The following LRP1 variants were observed in gnomAD, a reference collection of about 807,000 sequenced individuals.
LRP1 encodes LDL receptor related protein 1, also known as prolow-density lipoprotein receptor-related protein 1.
In LRP1, 51 loss-of-function variants were observed where a neutral mutation model predicts 541.5. That is an observed-to-expected ratio of 0.09 (90% CI 0.08 to 0.12). The LOEUF is 0.12. LRP1 is among the 10% of genes least tolerant of loss of function. The probability of loss-of-function intolerance (pLI) is 1.00; values close to 1 mark genes in which losing one functional copy is unlikely to be tolerated. For synonymous variants in LRP1, 2,219 were observed against 2,470.8 expected (o/e 0.90, Z 3.02); for missense variants, 3,878 against 6,376.2 (o/e 0.61, Z 13.34).
At position 57,191,036 on chromosome 12, in the gene LRP1, C is replaced by T. The variant is rs571724972; in HGVS notation, c.7236+27C>T. On this transcript the variant is annotated intron_variant, in intron 43 of 88. Coordinates refer to ENST00000243077, the MANE Select transcript of LRP1 (RefSeq NM_002332.3). ...TGAGTCTGCGGGGTGGGTGAGCTGG[C>T]GGGCGGCTGAGGGGAGGCCAGGGCC... is the stretch of plus-strand genomic sequence containing the variant. The T allele has an allele frequency of 3.1e-5, 49 of 1,593,876 alleles. 1 individual carries two copies. The South Asian group carries it at 4.1e-4, about 13-fold the overall frequency.
Position 57,212,803 on chromosome 12 carries a change from G to GACA in LRP1, c.*248_*249insACA. The GACA allele has an allele frequency of 4.2e-6, 2 of 475,828 alleles. No individual in the cohort carries two copies. The highest frequency in any genetic ancestry group is 7.4e-6 in the Non-Finnish European group (2 of 268,600). 29.5% of individuals were successfully genotyped at this position (475,828 alleles called of 1,614,324 possible). On this transcript the variant is annotated 3_prime_UTR_variant, in exon 89 of 89. Coordinates refer to ENST00000243077, the MANE Select transcript of LRP1 (RefSeq NM_002332.3). This position sits in a 1 kb window ranked among gnomAD's most constrained non-coding sequence, Gnocchi z 5.0. ...CAGGGAGACAGGCAGGGAGGGCTTGGGGCTGCACCTCCTACCCTCCCACCA... is the reference window on the plus strand; with the variant it reads ...CAGGGAGACAGGCAGGGAGGGCTTGGACAGGCTGCACCTCCTACCCTCCCACCA...
In LRP1 at chr12:57,145,333, G is replaced by A. The variant is rs778074762; in HGVS notation, c.684G>A (p.Arg228=). The part of the protein sequence containing the change: ...QVSTITPTST[R]QTTAMDFSYA... ...CTACCATCACACCTACGAGCACGCG[G>A]CAGACCACAGCCATGGACTTCAGCT... The change falls in exon 6 of 89, where the codon CGG becomes CGA. Residue 228 remains arginine (R), a synonymous_variant. Coordinates refer to ENST00000243077, the MANE Select transcript of LRP1 (RefSeq NM_002332.3). 13 of 1,614,158 alleles carry A rather than the reference G, an allele frequency of 8.1e-6. No homozygotes were observed. The highest frequency in any genetic ancestry group is 2.5e-6 in the Non-Finnish European group (3 of 1,180,044).
chr12:57,208,868 CA>C, intron 78 of LRP1, 51 bp downstream of exon 78: 1 of 1,438,708 alleles, frequency 7.0e-7, no homozygotes, highest in Non-Finnish European at 9.8e-7. Context: ...GCCCGGCTCG[CA>C]GAGCCCAGCT....
At chr12:57,202,802 C>A (rs2036685165) in intron 68 of LRP1, 1 of 584,150 alleles carries the variant, frequency 1.7e-6, no homozygotes, top group Non-Finnish European at 3.1e-6. Context: ...CACCATACCC[C>A]CACCTCTGTC....
chr12:57,145,552 C>T (rs2035388454), intron 6 of LRP1, 62 bp downstream of exon 6: 3 of 1,580,736 alleles, frequency 1.9e-6, no homozygotes, highest in South Asian at 2.3e-5. Context: ...GAAGGTGGAC[C>T]CTATCTTGAA....
At position 57,202,922 on chromosome 12, in the gene LRP1, A is replaced by G; in HGVS notation, c.10712-259A>G. 5.6e-6 allele frequency: 3 copies of G among 535,148 alleles called. No individual in the cohort carries two copies. The South Asian group carries it at 8.2e-5, about 15-fold the overall frequency. 33.1% of individuals were successfully genotyped at this position (535,148 alleles called of 1,614,324 possible). A position where few individuals can be genotyped will look rare whatever the true frequency, so the allele number is the denominator to read the frequency against. ...CTTGCCCCCGCTCCCCTCCCCAAAC[A>G]CAGTCTGTTCTGAGGGCAAGGCCAG... On this transcript the variant is annotated intron_variant, in intron 68 of 88. Coordinates refer to ENST00000243077, the MANE Select transcript of LRP1 (RefSeq NM_002332.3).
chr12:57,183,655 C>T lies in LRP1; in HGVS notation c.5795-120C>T. 6.7e-7 allele frequency: 1 copy of T among 1,488,960 alleles called. No individual in the cohort carries two copies. The highest frequency in any genetic ancestry group is 9.1e-7 in the Non-Finnish European group (1 of 1,099,172). 92.2% of individuals were successfully genotyped at this position (1,488,960 alleles called of 1,614,324 possible). Reference sequence around the variant, plus strand: ...CAGCTGCCACCCTGACTCCACCTCCCCTTCAAGCACCTGGCCCCTCCGGCA... The same window carrying T: ...CAGCTGCCACCCTGACTCCACCTCCTCTTCAAGCACCTGGCCCCTCCGGCA... On this transcript the variant is annotated intron_variant, in intron 35 of 88. Coordinates refer to ENST00000243077, the MANE Select transcript of LRP1 (RefSeq NM_002332.3). This position sits in a 1 kb window ranked among gnomAD's most constrained non-coding sequence, Gnocchi z 6.1.
chr12:57,196,008 G>T lies in LRP1; in HGVS notation c.8701+5G>T. ...ACCCACACTGCACCAGCCAAGGTGG[G>T]CCCCAGACCTGGCTCCCCTCTGCCC... On this transcript the variant is annotated splice_donor_5th_base_variant and intron_variant, in intron 54 of 88. Coordinates refer to ENST00000243077, the MANE Select transcript of LRP1 (RefSeq NM_002332.3). 1 of 1,612,326 alleles carries T rather than the reference G, an allele frequency of 6.2e-7. No homozygotes were observed.
Position 57,210,880 on chromosome 12 carries a change from G to A in LRP1, c.12916+1G>A. On this transcript the variant is annotated splice_donor_variant, in intron 83 of 88. Coordinates refer to ENST00000243077, the MANE Select transcript of LRP1 (RefSeq NM_002332.3). LOFTEE classifies it high-confidence loss of function. ...TTCCTGGGCGACCGCTGCCAGTACC[G>A]TGAGTGAGCCATCCCTGGGCCCCAG... 6.2e-7 allele frequency: 1 copy of A among 1,608,644 alleles called. No homozygotes were observed. The highest frequency in any genetic ancestry group is 8.5e-7 in the Non-Finnish European group (1 of 1,176,590).
chr12:57,197,696 G>A lies in LRP1; in HGVS notation c.9282+32G>A. 1 of 1,604,960 alleles carries A rather than the reference G, an allele frequency of 6.2e-7. No individual in the cohort carries two copies. Among genetic ancestry groups the A allele is most frequent in the Non-Finnish European group, 8.5e-7 (1 of 1,176,910 alleles). On this transcript the variant is annotated intron_variant, in intron 58 of 88. Coordinates refer to ENST00000243077, the MANE Select transcript of LRP1 (RefSeq NM_002332.3). This position sits in a 1 kb window ranked among gnomAD's most constrained non-coding sequence, Gnocchi z 4.5. ...CGGGCGGCCCTCGGCGACCAACACTGGCCCGCCTCAGATGACTGTTTTCAG... is the reference window on the plus strand; with the variant it reads ...CGGGCGGCCCTCGGCGACCAACACTAGCCCGCCTCAGATGACTGTTTTCAG...
chr12:57,163,910 C>T (rs1026735355), intron 15 of LRP1, among the ~76,000 whole-genome samples: 4 of 152,072 alleles, frequency 2.6e-5, no homozygotes, highest in Non-Finnish European at 5.9e-5. Flanking sequence ...GTGGCTCACA[C>T]CTGTAATCCC....
chr12:57,145,284 C>A lies in LRP1; in HGVS notation c.635C>A (p.Thr212Lys). Reference sequence around the variant, plus strand: ...GCCAACTCCCAGAACATCTTGGCCACGTACCTGAGTGGGGCCCAGGTGTCT... The same window carrying A: ...GCCAACTCCCAGAACATCTTGGCCAAGTACCTGAGTGGGGCCCAGGTGTCT... ...LIANSQNILA[T>K]YLSGAQVSTI... The change falls in exon 6 of 89, where the codon ACG (threonine) becomes AAG (lysine). Residue 212 changes from threonine to lysine, a missense_variant. Transcript: ENST00000243077. 2 of 1,614,178 alleles carry A rather than the reference C, an allele frequency of 1.2e-6. No individual in the cohort carries two copies. Among genetic ancestry groups the A allele is most frequent in the Non-Finnish European group, 1.7e-6 (2 of 1,180,020 alleles).
Position 57,201,868 on chromosome 12 carries a change from C to T in LRP1, c.10557C>T (p.Asp3519=). ...GTTGGAAGTGTGACGGAGAGGATGA[C>T]TGTGGGGATGGCTCGGATGAGCCCA... ...PARWKCDGED[D]CGDGSDEPKE... is the part of the protein sequence containing the mutation. The change falls in exon 67 of 89, where the codon GAC becomes GAT. Residue 3519 remains aspartate (D), a synonymous_variant. Transcript: ENST00000243077. The surrounding 1 kb of genome is among the most constrained non-coding windows in gnomAD (Gnocchi z 6.4). The T allele has an allele frequency of 2.5e-6, 4 of 1,614,144 alleles. No individual in the cohort carries two copies. The highest frequency in any genetic ancestry group is 3.4e-6 in the Non-Finnish European group (4 of 1,180,022).
At chr12:57,147,863 C>G (rs1472541889) in intron 6 of LRP1, among the ~76,000 whole-genome samples, 1 of 152,218 alleles carries the variant, frequency 6.6e-6, no homozygotes, top group Non-Finnish European at 1.5e-5. Context: ...GAACATTCCT[C>G]TTCAATGCCC....
chr12:57,210,727 C>T lies in LRP1; in HGVS notation c.12764C>T (p.Thr4255Met). 1.9e-6 allele frequency: 3 copies of T among 1,608,826 alleles called. No homozygotes were observed. The highest frequency in any genetic ancestry group is 2.6e-6 in the Non-Finnish European group (3 of 1,176,132). ...TCAASPSGMP[T>M]CRCPTGFTGP... ...CATCCTCTCCCACCAGGCATGCCCA[C>T]GTGCCGGTGCCCCACGGGCTTCACG... Residue 4255 changes from threonine to methionine, a missense_variant, in exon 83 of 89, where the codon ACG becomes ATG. Around this residue, in one of 13 missense-constraint regions of LRP1, gnomAD observed 871 missense variants for 1,212.4 expected, o/e 0.72. Transcript: ENST00000243077.
At chr12:57,149,967 G>A (rs972161640) in intron 6 of LRP1, 6 of 550,410 alleles carry the variant, frequency 1.1e-5, no homozygotes, top group Non-Finnish European at 6.5e-6. Context: ...CAGAGAGGCA[G>A]GATCCTGGCA....
intron 12 of LRP1, 102 bp from the exon 13 acceptor site, chr12:57,160,791 C>G: frequency 1.3e-6 from 1 of 793,926 alleles, no homozygotes; most frequent in South Asian, 1.6e-5. Context: ...GGACAGGAGA[C>G]CCCTGTGAGG....
At position 57,211,446 on chromosome 12, in the gene LRP1, C is replaced by G; in HGVS notation, c.13092-41C>G. 2 of 1,610,706 alleles carry G rather than the reference C, an allele frequency of 1.2e-6. No individual in the cohort carries two copies. Among genetic ancestry groups the G allele is most frequent in the Non-Finnish European group, 8.5e-7 (1 of 1,178,694 alleles). On this transcript the variant is annotated intron_variant, in intron 84 of 88. Transcript: ENST00000243077. This position sits in a 1 kb window ranked among gnomAD's most constrained non-coding sequence, Gnocchi z 4.3. Reference sequence around the variant, plus strand: ...CCCTTCCTCAGCATCCCAGGCACGCCTCTGCCAGCCCCAGCCCCAGCCTCT... The same window carrying G: ...CCCTTCCTCAGCATCCCAGGCACGCGTCTGCCAGCCCCAGCCCCAGCCTCT...
intron 42 of LRP1, 115 bp from the exon 43 acceptor site, chr12:57,190,690 G>C: frequency 1.2e-6 from 1 of 825,538 alleles, no homozygotes; most frequent in South Asian, 1.5e-5. Flanking sequence ...TATGGCTCTG[G>C]GGTGGCTTTG....
Sources: gnomAD v4.1 joint callset for allele counts (sites outside exome capture counted in the v4.1 genomes callset) on GRCh38, gnomAD v4.1.1 for gene constraint, gnomAD v4.1.1 regional missense constraint, Gnocchi (gnomAD v3.1) non-coding constraint, MANE v1.5 for transcripts, NCBI Gene and HGNC (gene_info 2026-07-23, HGNC 2026-07-21) for gene names.